Variants in OCSTAMP observed in about 807,000 individuals in gnomAD.
OCSTAMP encodes osteoclast stimulatory transmembrane protein.
Under a neutral mutation model 25.2 loss-of-function variants are expected in OCSTAMP, and 17 were observed. The observed-to-expected ratio is 0.68, with a 90% CI of 0.46 to 1.01. The LOEUF (loss-of-function observed/expected upper bound fraction) is 1.01. Ranked by LOEUF, OCSTAMP falls within the 50% of genes least tolerant of loss-of-function variation. The pLI, the probability that OCSTAMP is intolerant of heterozygous loss-of-function variation, is 0.00. For synonymous variants in OCSTAMP, 345 were observed against 318.9 expected (o/e 1.08, Z -0.87); for missense variants, 664 against 694.6 (o/e 0.96, Z 0.50).
At chr20:46,546,974 A>C (rs1037548262) in intron 1 of OCSTAMP, among the ~76,000 whole-genome samples, 12 of 152,344 alleles carry the variant, frequency 7.9e-5, no homozygotes, top group African/African-American at 2.9e-4. Context: ...TGGGGCTTGC[A>C]CTATGTTAAG....
intron 1 of OCSTAMP, among the ~76,000 whole-genome samples, chr20:46,547,665 G>C (rs564197441): frequency 2.0e-5 from 3 of 152,142 alleles, no homozygotes; most frequent in Non-Finnish European, 4.4e-5. Context: ...GGGAGAGTTC[G>C]GTGGCTTTTG....
intron 2 of OCSTAMP, among the ~76,000 whole-genome samples, chr20:46,543,302 T>TTTCC (rs780153885): frequency 0.088 from 5,551 of 63,354 alleles, 439 homozygotes; most frequent in African/African-American, 0.26. Flanking sequence ...TCTCTTTCTC[T>TTTCC]TTCCTTTCTT....
chr20:46,547,970 G>A (rs549594609), intron 1 of OCSTAMP, among the ~76,000 whole-genome samples: 77 of 152,294 alleles, frequency 5.1e-4, no homozygotes, highest in African/African-American at 1.9e-3. Flanking sequence ...TGCAAGGTGG[G>A]GCTGGTCTTA....
intron 2 of OCSTAMP, among the ~76,000 whole-genome samples, chr20:46,542,382 C>T (rs899812056): frequency 6.6e-6 from 1 of 152,022 alleles, no homozygotes; most frequent in East Asian, 1.9e-4. Flanking sequence ...GAGTTCGAGA[C>T]CAGCTTGGCT....
chr20:46,541,493 A>G lies in OCSTAMP; in HGVS notation c.1482T>C (p.Ser494=). 1 of 1,551,632 alleles carries G rather than the reference A, an allele frequency of 6.4e-7. No homozygotes were observed. Among genetic ancestry groups the G allele is most frequent in the Non-Finnish European group, 8.7e-7 (1 of 1,146,910 alleles). The change falls in exon 3 of 3, where the codon AGT becomes AGC. Residue 494 remains serine, a synonymous_variant. Coordinates refer to ENST00000279028, the MANE Select transcript of OCSTAMP (RefSeq NM_080721.3). The part of the protein sequence containing the change: ...YRLDALRTES[S]EGEGKELWSC... Reference sequence around the variant, plus strand: ...TCCAAAGCTCTTTCCCTTCTCCCTCACTGCTCTCGGTTCTTAAGGCATCCA... The same window carrying G: ...TCCAAAGCTCTTTCCCTTCTCCCTCGCTGCTCTCGGTTCTTAAGGCATCCA...
chr20:46,544,955 C>T (rs922476900), intron 2 of OCSTAMP, among the ~76,000 whole-genome samples: 2 of 152,174 alleles, frequency 1.3e-5, no homozygotes, highest in Non-Finnish European at 2.9e-5. Flanking sequence ...TTACTAGGTA[C>T]TTTAAGACAA....
intron 1 of OCSTAMP, 141 bp from the exon 2 acceptor site, chr20:46,546,470 G>A: frequency 1.5e-6 from 1 of 686,758 alleles, no homozygotes; most frequent in Non-Finnish European, 2.4e-6. Context: ...ACCAATCAGA[G>A]TAAGTCACTG....
intron 2 of OCSTAMP, among the ~76,000 whole-genome samples, chr20:46,544,505 G>A (rs879801058): frequency 1.1e-4 from 16 of 152,258 alleles, no homozygotes; most frequent in Non-Finnish European, 1.5e-4. Context: ...ACTTTGATAT[G>A]TTTTATGCAA....
chr20:46,541,684 C>T lies in OCSTAMP; in HGVS notation c.1291G>A (p.Ala431Thr), dbSNP rs1439538814. 6.5e-7 allele frequency: 1 copy of T among 1,549,934 alleles called. No homozygotes were observed. Among genetic ancestry groups the T allele is most frequent in the African/African-American group, 1.4e-5 (1 of 73,058 alleles). ...YARRLRHAIA[A>T]SFFTAQEARR... Reference sequence around the variant, plus strand: ...GCCTCCTGGGCTGTGAAGAAGGAAGCGGCGATGGCATGCCGCAGGCGGCGG... The same window carrying T: ...GCCTCCTGGGCTGTGAAGAAGGAAGTGGCGATGGCATGCCGCAGGCGGCGG... The change falls in exon 3 of 3, where the codon GCT (alanine) becomes ACT (threonine). Residue 431 changes from alanine to threonine, a missense_variant. Ala to Thr is a moderately conservative substitution (Grantham distance 58). Coordinates refer to ENST00000279028, the MANE Select transcript of OCSTAMP (RefSeq NM_080721.3).
chr20:46,547,271 G>A (rs914308769), intron 1 of OCSTAMP, among the ~76,000 whole-genome samples: 6 of 152,182 alleles, frequency 3.9e-5, no homozygotes, highest in Admixed American at 2.6e-4. Flanking sequence ...AGCTTTTGAC[G>A]ACGTGGTTGG....
At position 46,541,499 on chromosome 20, in the gene OCSTAMP, C is replaced by T; in HGVS notation, c.1476G>A (p.Glu492=). 2 of 1,551,750 alleles carry T rather than the reference C, an allele frequency of 1.3e-6. No homozygotes were observed. The highest frequency in any genetic ancestry group is 1.7e-6 in the Non-Finnish European group (2 of 1,146,988). ...IDYRLDALRT[E]SSEGEGKELW... is the part of the protein sequence containing the mutation. ...GCTCTTTCCCTTCTCCCTCACTGCTCTCGGTTCTTAAGGCATCCAGCCTGT... is the reference window on the plus strand; with the variant it reads ...GCTCTTTCCCTTCTCCCTCACTGCTTTCGGTTCTTAAGGCATCCAGCCTGT... The change falls in exon 3 of 3, where the codon GAG becomes GAA. Residue 492 remains glutamate (E), a synonymous_variant. Transcript: ENST00000279028.
chr20:46,550,451 C>T lies in OCSTAMP; in HGVS notation c.44+66G>A. The T allele has an allele frequency of 2.1e-6, 3 of 1,401,512 alleles. No individual in the cohort carries two copies. In the South Asian group the frequency reaches 3.7e-5, roughly 17 times the overall value. 86.8% of individuals were successfully genotyped at this position (1,401,512 alleles called of 1,614,324 possible). ...AGAGCTGAAGATTTGGGTTCATATC[C>T]ATCACCCCCAATGGCTGACTGTTTT... is the stretch of plus-strand genomic sequence containing the variant. On this transcript the variant is annotated intron_variant, in intron 1 of 2. Transcript: ENST00000279028.
intron 2 of OCSTAMP, among the ~76,000 whole-genome samples, chr20:46,544,509 T>C (rs960990368): frequency 2.0e-5 from 3 of 152,224 alleles, no homozygotes; most frequent in African/African-American, 7.2e-5. Flanking sequence ...TGATATGTTT[T>C]ATGCAATGGA....
chr20:46,542,585 AAAAGATGGGAAGCC>A (rs2061838007), intron 2 of OCSTAMP, among the ~76,000 whole-genome samples: 2 of 151,216 alleles, frequency 1.3e-5, no homozygotes, highest in Non-Finnish European at 2.9e-5. Context: ...AAAAAAAAAA[AAAAGATGGGAAGCC>A]CAAAGCCACA....
At position 46,543,232 on chromosome 20, in the gene OCSTAMP, TTTTCTTTC is replaced by T. The variant is rs3086626; in HGVS notation, c.1048-1313_1048-1306del. On this transcript the variant is annotated intron_variant, in intron 2 of 2. Coordinates refer to ENST00000279028, the MANE Select transcript of OCSTAMP (RefSeq NM_080721.3). ...TTTCTTTCTTCCTTCCTTCCTTTCT[TTTTCTTTC>T]TTTCTTTCTTTCTTTCCTTCTTTCT... Among the ~76,000 whole-genome samples the T allele has an allele frequency of 1.1e-3, 161 of 147,932 alleles. 1 individual carries two copies. The highest frequency in any genetic ancestry group is 3.4e-3 in the Middle Eastern group (1 of 292).
intron 2 of OCSTAMP, among the ~76,000 whole-genome samples, chr20:46,543,226 C>CTTT: frequency 1.4e-5 from 2 of 144,072 alleles, no homozygotes; most frequent in Admixed American, 1.4e-4. Context: ...TCCTTCCTTC[C>CTTT]TTTCTTTTTC....
At position 46,546,114 on chromosome 20, in the gene OCSTAMP, A is replaced by G; in HGVS notation, c.260T>C (p.Val87Ala). The change falls in exon 2 of 3, where the codon GTC becomes GCC. Residue 87 changes from valine (V) to alanine (A), a missense_variant. By Grantham distance (64) the Val-to-Ala change is moderately conservative. Transcript: ENST00000279028. ...PPGPSAMVAT[V>A]CGLLVFLSLG... The stretch of plus-strand genomic sequence containing the variant: ...GCTCAGGAAGACCAGGAGGCCACAG[A>G]CAGTGGCAACCATGGCTGAAGGTCC... 6.4e-7 allele frequency: 1 copy of G among 1,551,782 alleles called. No individual in the cohort carries two copies. The highest frequency in any genetic ancestry group is 1.2e-5 in the South Asian group (1 of 84,062).
chr20:46,549,722 T>C (rs2061864428), intron 1 of OCSTAMP, among the ~76,000 whole-genome samples: 1 of 151,088 alleles, frequency 6.6e-6, no homozygotes, highest in East Asian at 1.9e-4. Flanking sequence ...TGAGATGCAG[T>C]GAGGCCTGTG....
At chr20:46,544,485 G>A (rs746776899) in intron 2 of OCSTAMP, among the ~76,000 whole-genome samples, 22 of 152,118 alleles carry the variant, frequency 1.4e-4, no homozygotes, top group Non-Finnish European at 2.4e-4. Context: ...TTATTAGCTC[G>A]AAGTTTGACA....
Sources: gnomAD v4.1 joint callset for allele counts (sites outside exome capture counted in the v4.1 genomes callset) on GRCh38, gnomAD v4.1.1 for gene constraint, MANE v1.5 for transcripts, NCBI Gene and HGNC (gene_info 2026-07-23, HGNC 2026-07-21) for gene names.